SLC44A5: variants seen among roughly 807,000 people sequenced by gnomAD.
SLC44A5 encodes choline transporter-like protein 5.
Under a neutral mutation model 101.8 loss-of-function variants are expected in SLC44A5, and 57 were observed. The ratio of observed to expected loss-of-function variants is 0.56; its 90% CI spans 0.45 to 0.70. SLC44A5 has a LOEUF of 0.70. Ranked by LOEUF, SLC44A5 falls within the 30% of genes least tolerant of loss-of-function variation. SLC44A5 has a pLI of 0.00. For missense variants in SLC44A5, 737 were observed against 853.1 expected (o/e 0.86, Z 1.70); for synonymous variants, 281 against 290.9 (o/e 0.97, Z 0.35).
At chr1:75,579,150 T>C (rs538360179) in intron 1 of SLC44A5, among the ~76,000 whole-genome samples, 5 of 152,336 alleles carry the variant, frequency 3.3e-5, no homozygotes, top group Admixed American at 2.6e-4. Context: ...CTCTGAACTA[T>C]GACCATTAAT....
chr1:75,391,132 A>G (rs897167369), intron 3 of SLC44A5, among the ~76,000 whole-genome samples: 2 of 152,156 alleles, frequency 1.3e-5, no homozygotes, highest in African/African-American at 4.8e-5. Flanking sequence ...AATACATTTA[A>G]CCAATGGTGT....
chr1:75,377,192 A>G (rs1660690980), intron 3 of SLC44A5, among the ~76,000 whole-genome samples: 1 of 147,438 alleles, frequency 6.8e-6, no homozygotes, highest in South Asian at 2.2e-4. Flanking sequence ...TTCTGCCTTG[A>G]GATTCTGTTA....
chr1:75,448,292 A>T (rs1278362342), intron 2 of SLC44A5, among the ~76,000 whole-genome samples: 2 of 152,206 alleles, frequency 1.3e-5, no homozygotes, highest in Non-Finnish European at 2.9e-5. Flanking sequence ...CATAGATGGA[A>T]ACATGATCAT....
chr1:75,295,772 G>A (rs1372589621), intron 5 of SLC44A5, among the ~76,000 whole-genome samples: 1 of 152,156 alleles, frequency 6.6e-6, no homozygotes, highest in Admixed American at 6.5e-5. Context: ...CAACCAAAAT[G>A]TCAGATCTCC....
At chr1:75,439,717 A>G (rs896947703) in intron 2 of SLC44A5, among the ~76,000 whole-genome samples, 2 of 152,188 alleles carry the variant, frequency 1.3e-5, no homozygotes, top group African/African-American at 4.8e-5. Flanking sequence ...TAGATTTAAA[A>G]GATCTAACAA....
the SLC44A5 span, among the ~76,000 whole-genome samples, chr1:75,678,912 C>G: frequency 1.3e-5 from 2 of 151,948 alleles, no homozygotes; most frequent in Non-Finnish European, 1.5e-5. Context: ...CAGAGAAGTG[C>G]GTAAAGGAGC....
At chr1:75,553,965 C>G (rs1403088112) in intron 1 of SLC44A5, among the ~76,000 whole-genome samples, 1 of 151,902 alleles carries the variant, frequency 6.6e-6, no homozygotes, top group Non-Finnish European at 1.5e-5. Flanking sequence ...AGGTTGCTCC[C>G]CCATGAAACT....
chr1:75,281,627 T>C (rs868387711), intron 5 of SLC44A5, among the ~76,000 whole-genome samples: 80 of 80,110 alleles, frequency 1.0e-3, no homozygotes, highest in Non-Finnish European at 1.6e-3. Context: ...TTTCCTGGGC[T>C]GGTGCCAGGC....
At chr1:75,480,312 A>G (rs1667755740) in intron 2 of SLC44A5, among the ~76,000 whole-genome samples, 2 of 152,196 alleles carry the variant, frequency 1.3e-5, no homozygotes, top group South Asian at 4.1e-4. Flanking sequence ...AATGGGAAAA[A>G]ACTGGAAGCA....
chr1:75,219,879 C>A lies in SLC44A5; in HGVS notation c.1099G>T (p.Val367Phe). The change falls in exon 15 of 24, where the codon GTT becomes TTT. Residue 367 changes from valine (V) to phenylalanine (F), a missense_variant. Transcript: ENST00000370859. ...GCTGGATAGACTAATGTACTAGGAACATATCCAATGGCTCTGAAATAAAAC... is the reference window on the plus strand; with the variant it reads ...GCTGGATAGACTAATGTACTAGGAAAATATCCAATGGCTCTGAAATAAAAC... Reference protein sequence around the residue: ...LKEGSKAIGYVPSTLVYPALT... With the variant: ...LKEGSKAIGYFPSTLVYPALT... 6.2e-7 allele frequency: 1 copy of A among 1,605,384 alleles called. No individual in the cohort carries two copies. The highest frequency in any genetic ancestry group is 2.2e-5 in the East Asian group (1 of 44,588).
At chr1:75,702,505 A>T in the SLC44A5 span, among the ~76,000 whole-genome samples, 2 of 152,168 alleles carry the variant, frequency 1.3e-5, no homozygotes, top group Non-Finnish European at 2.9e-5. Context: ...TACAAAAATT[A>T]ATTCAAGATG....
Position 75,547,427 on chromosome 1 carries a change from C to T in SLC44A5, c.-69-5911G>A, listed in dbSNP as rs1364445116. Reference sequence around the variant, plus strand: ...AATAAGTGGAACTGAGATCCTGAAGCATTTCTTCAAAGAATTGTAACAGGA... The same window carrying T: ...AATAAGTGGAACTGAGATCCTGAAGTATTTCTTCAAAGAATTGTAACAGGA... On this transcript the variant is annotated intron_variant, in intron 1 of 23. Coordinates refer to ENST00000370859, the MANE Select transcript of SLC44A5 (RefSeq NM_001130058.2). Among the ~76,000 whole-genome samples the T allele has an allele frequency of 2.6e-5, 4 of 152,258 alleles. No homozygotes were observed. In the East Asian group the frequency reaches 7.7e-4, roughly 29 times the overall value.
chr1:75,444,435 CAGAG>C (rs907777245), intron 2 of SLC44A5, among the ~76,000 whole-genome samples: 1 of 84,330 alleles, frequency 1.2e-5, no homozygotes, highest in Non-Finnish European at 2.4e-5. Context: ...GAAAGAAAGA[CAGAG>C]AAAGAAAGAA....
intron 2 of SLC44A5, among the ~76,000 whole-genome samples, chr1:75,509,893 C>T (rs916232494): frequency 1.1e-4 from 17 of 152,168 alleles, no homozygotes; most frequent in African/African-American, 3.4e-4. Flanking sequence ...AAAACATACC[C>T]GAGACTGGGT....
chr1:75,691,192 T>C, the SLC44A5 span, among the ~76,000 whole-genome samples: 1 of 152,116 alleles, frequency 6.6e-6, no homozygotes, highest in African/African-American at 2.4e-5. Context: ...AGGGTCAAGG[T>C]CCCACCAGCA....
chr1:75,705,159 T>C, the SLC44A5 span, among the ~76,000 whole-genome samples: 7 of 152,352 alleles, frequency 4.6e-5, no homozygotes, highest in African/African-American at 1.7e-4. Context: ...TGGATCATTT[T>C]TGCACTACAG....
chr1:75,614,544 C>G (rs991970080), upstream of SLC44A5, among the ~76,000 whole-genome samples: 2 of 152,124 alleles, frequency 1.3e-5, no homozygotes, highest in African/African-American at 4.8e-5. Context: ...GTTGTGTCCC[C>G]CTAGTGACCT....
At chr1:75,651,601 G>T in the SLC44A5 span, among the ~76,000 whole-genome samples, 1 of 150,644 alleles carries the variant, frequency 6.6e-6, no homozygotes, top group Non-Finnish European at 1.5e-5. Context: ...GGAGGCTGAG[G>T]CAGGAGAATG....
At chr1:75,628,955 C>T in the SLC44A5 span, among the ~76,000 whole-genome samples, 1 of 152,092 alleles carries the variant, frequency 6.6e-6, no homozygotes, top group African/African-American at 2.4e-5. Flanking sequence ...GTTGCATGTT[C>T]TACCAGAAAA....
Sources: gnomAD v4.1 joint callset for allele counts (sites outside exome capture counted in the v4.1 genomes callset) on GRCh38, gnomAD v4.1.1 for gene constraint, MANE v1.5 for transcripts, NCBI Gene and HGNC (gene_info 2026-07-23, HGNC 2026-07-21) for gene names.